The following NUP214 variants were observed in gnomAD, a reference collection of about 807,000 sequenced individuals.
NUP214 encodes the protein nuclear pore complex protein Nup214.
A neutral mutation model predicts 196.2 loss-of-function variants in NUP214; 79 were observed. That is an observed-to-expected ratio of 0.40 (90% CI 0.34 to 0.49). The LOEUF is 0.49. Among genes scored for constraint, NUP214 ranks in the 20% least tolerant of loss-of-function variants. NUP214 has a pLI of 0.58. For synonymous variants in NUP214, 1,020 were observed against 990.5 expected, an observed-to-expected ratio of 1.03 and a Z score of -0.56; for missense variants, 2,468 against 2,539.0, an observed-to-expected ratio of 0.97 and a Z score of 0.60.
intron 17 of NUP214, among the ~76,000 whole-genome samples, chr9:131,156,366 T>G (rs746806865): frequency 6.6e-6 from 1 of 151,892 alleles, no homozygotes; most frequent in East Asian, 1.9e-4. Flanking sequence ...TCTCCTGACC[T>G]CATGATCCAC....
In NUP214 at chr9:131,148,397, C is replaced by A. The variant is rs913008784; in HGVS notation, c.2040+813C>A. On this transcript the variant is annotated intron_variant, in intron 14 of 35. Transcript: ENST00000359428. ...GCTTGAGTAGTTTCCAGGTTTAAGCCATTGTATGTAGCACTGCTATGACCG... is the reference window on the plus strand; with the variant it reads ...GCTTGAGTAGTTTCCAGGTTTAAGCAATTGTATGTAGCACTGCTATGACCG... Among the ~76,000 whole-genome samples, 6 of 152,072 alleles carry A rather than the reference C, an allele frequency of 3.9e-5. No individual in the cohort carries two copies. In the East Asian group the frequency reaches 1.2e-3, roughly 29 times the overall value.
In NUP214 at chr9:131,144,260, T is replaced by C. The variant is rs1832014109; in HGVS notation, c.1295-20T>C. On this transcript the variant is annotated intron_variant, in intron 11 of 35. Coordinates refer to ENST00000359428, the MANE Select transcript of NUP214 (RefSeq NM_005085.4). The stretch of plus-strand genomic sequence containing the variant: ...ACTGTTACAGTGTTAACATTTTCCT[T>C]CCTTTTTTTGTCACTGCAGGAAGTA... 3 of 1,580,762 alleles carry C rather than the reference T, an allele frequency of 1.9e-6. No individual in the cohort carries two copies. The highest frequency in any genetic ancestry group is 1.4e-5 in the African/African-American group (1 of 74,070).
chr9:131,169,003 A>G (rs540353669), intron 21 of NUP214, among the ~76,000 whole-genome samples: 2 of 149,754 alleles, frequency 1.3e-5, no homozygotes, highest in East Asian at 3.9e-4. Context: ...GTTCTGTCCA[A>G]TATGGTATTC....
intron 14 of NUP214, among the ~76,000 whole-genome samples, chr9:131,148,043 C>T (rs566817729): frequency 2.0e-5 from 3 of 152,306 alleles, no homozygotes; most frequent in South Asian, 2.1e-4. Flanking sequence ...AAAAATTAGC[C>T]GGGCGTGGTG....
chr9:131,232,297 G>GT lies in NUP214; in HGVS notation c.6229dup (p.Ser2077PhefsTer3). The GT allele has an allele frequency of 6.2e-7, 1 of 1,614,148 alleles. No individual in the cohort carries two copies. ...TCTGCTTTTCAGGGTTCAGCTTTGG[G>GT]TCAAATAACTCGTAAGTATCCCCCT... On this transcript the variant is annotated frameshift_variant, in exon 35 of 36. Transcript: ENST00000359428. LOFTEE classifies it high-confidence loss of function. The surrounding 1 kb of genome is among the most constrained non-coding windows in gnomAD (Gnocchi z 5.1).
At chr9:131,168,920 G>A (rs1832865740) in intron 21 of NUP214, among the ~76,000 whole-genome samples, 1 of 151,960 alleles carries the variant, frequency 6.6e-6, no homozygotes, top group African/African-American at 2.4e-5. Flanking sequence ...TGATTAGAAA[G>A]CACTACTGCC....
intron 14 of NUP214, among the ~76,000 whole-genome samples, chr9:131,148,643 G>A (rs1832154989): frequency 1.3e-5 from 2 of 152,128 alleles, no homozygotes; most frequent in South Asian, 4.2e-4. Context: ...CTAATGATTA[G>A]CAAAATTAAG....
chr9:131,141,415 A>G (rs1360789606), intron 11 of NUP214, among the ~76,000 whole-genome samples: 1 of 152,136 alleles, frequency 6.6e-6, no homozygotes, highest in Non-Finnish European at 1.5e-5. Flanking sequence ...ATGCACACAT[A>G]TAAATACTAG....
intron 29 of NUP214, among the ~76,000 whole-genome samples, chr9:131,200,569 C>T (rs568466479): frequency 3.9e-5 from 6 of 152,154 alleles, no homozygotes; most frequent in East Asian, 3.9e-4. Context: ...ATTAGCTGGG[C>T]GTCGTGGCAG....
chr9:131,143,052 G>T (rs1831970785), intron 11 of NUP214, among the ~76,000 whole-genome samples: 1 of 152,188 alleles, frequency 6.6e-6, no homozygotes, highest in South Asian at 2.1e-4. Context: ...TGTTGTGCAG[G>T]CTGGAGTGTA....
intron 26 of NUP214, chr9:131,190,415 A>G: frequency 1.4e-6 from 1 of 691,048 alleles, no homozygotes; most frequent in Non-Finnish European, 2.6e-6. Flanking sequence ...GAGATTCACC[A>G]TTCATTGCTG....
chr9:131,143,517 CA>C (rs1346715061), intron 11 of NUP214, among the ~76,000 whole-genome samples: 1 of 152,020 alleles, frequency 6.6e-6, no homozygotes, highest in Non-Finnish European at 1.5e-5. Context: ...TTTACCCATC[CA>C]AACATAAGGG....
At chr9:131,161,630 C>CA (rs1832637291) in intron 18 of NUP214, among the ~76,000 whole-genome samples, 1 of 152,098 alleles carries the variant, frequency 6.6e-6, no homozygotes, top group African/African-American at 2.4e-5. Context: ...GCCCTGAACT[C>CA]AAAGAGGTAA....
rs1831328837 is a variant in NUP214 at position 131,125,793 on chromosome 9, G to T, written c.45+44G>T. 3.9e-6 allele frequency: 6 copies of T among 1,548,150 alleles called. No individual in the cohort carries two copies. The highest frequency in any genetic ancestry group is 5.2e-6 in the Non-Finnish European group (6 of 1,144,610). ...CCTCCCTCCCTTCTTTAGTCCTGGC[G>T]TTGCCTTGGAGCCCAGCTGAAAGGC... is the stretch of plus-strand genomic sequence containing the variant. On this transcript the variant is annotated intron_variant, in intron 1 of 35. Transcript: ENST00000359428. The surrounding 1 kb of genome is among the most constrained non-coding windows in gnomAD (Gnocchi z 4.1).
chr9:131,178,491 A>G (rs1036237414), intron 24 of NUP214, 81 bp downstream of exon 24: 10 of 994,132 alleles, frequency 1.0e-5, no homozygotes, highest in Non-Finnish European at 1.4e-5. Flanking sequence ...CAGCAGTGCC[A>G]CTGTCACAGT....
intron 18 of NUP214, 75 bp downstream of exon 18, chr9:131,159,561 CAT>C (rs1832565115): frequency 1.6e-6 from 2 of 1,277,032 alleles, no homozygotes; most frequent in Middle Eastern, 4.0e-4. Context: ...TATTTAGGAA[CAT>C]ATGAAAATCC....
At chr9:131,159,606 C>T in intron 18 of NUP214, 120 bp downstream of exon 18, 1 of 818,552 alleles carries the variant, frequency 1.2e-6, no homozygotes, top group Non-Finnish European at 2.0e-6. Flanking sequence ...GCCTGTAATC[C>T]CAGCACTTTG....
In NUP214 at chr9:131,216,385, C is replaced by T. The variant is rs539529198; in HGVS notation, c.5749+1017C>T. Among the ~76,000 whole-genome samples, 148 of 150,748 alleles carry T rather than the reference C, an allele frequency of 9.8e-4. 1 individual carries two copies. The highest frequency in any genetic ancestry group is 3.1e-3 in the African/African-American group (126 of 41,008). ...GATTACAGGTGCCCGCCACCAAGCC[C>T]GGCTAATTTTTTATATTTTTTTTAG... On this transcript the variant is annotated intron_variant, in intron 31 of 35. Coordinates refer to ENST00000359428, the MANE Select transcript of NUP214 (RefSeq NM_005085.4).
chr9:131,184,679 A>T (rs1374831714), intron 24 of NUP214, among the ~76,000 whole-genome samples: 1 of 152,134 alleles, frequency 6.6e-6, no homozygotes, highest in African/African-American at 2.4e-5. Context: ...GCTCTAATGC[A>T]ATTCCGTCTT....
Sources: gnomAD v4.1 joint callset for allele counts (sites outside exome capture counted in the v4.1 genomes callset) on GRCh38, gnomAD v4.1.1 for gene constraint, Gnocchi (gnomAD v3.1) non-coding constraint, MANE v1.5 for transcripts, NCBI Gene and HGNC (gene_info 2026-07-23, HGNC 2026-07-21) for gene names.